The following ELP2 variants were observed in gnomAD, a reference collection of about 807,000 sequenced individuals.
ELP2 encodes the protein elongator acetyltransferase complex subunit 2, also known as elongator complex protein 2.
ELP2 carries 90 observed loss-of-function variants against 119.2 expected under a neutral mutation model. The ratio of observed to expected loss-of-function variants is 0.75; its 90% confidence interval spans 0.64 to 0.90. The LOEUF (loss-of-function observed/expected upper bound fraction) is 0.90. Among genes scored for constraint, ELP2 ranks in the 40% least tolerant of loss-of-function variants. The pLI is 0.00. For synonymous variants in ELP2, 339 were observed against 331.0 expected, an observed-to-expected ratio of 1.02 and a Z score of -0.26; for missense variants, 921 against 967.8, an observed-to-expected ratio of 0.95 and a Z score of 0.64.
chr18:36,147,407 T>TTTTGTTTGTTTGTTTG (rs71166096), intron 11 of ELP2, among the ~76,000 whole-genome samples: 1 of 149,324 alleles, frequency 6.7e-6, no homozygotes, highest in South Asian at 2.1e-4. Flanking sequence ...TACTGACAGT[T>TTTTGTTTGTTTGTTTG]TTTGTTTGTT....
chr18:36,154,261 CATT>C (rs2090494509), intron 11 of ELP2, among the ~76,000 whole-genome samples: 1 of 152,040 alleles, frequency 6.6e-6, no homozygotes, highest in South Asian at 2.1e-4. Context: ...ATTTTGTTGT[CATT>C]ATTTGTTTAT....
Position 36,165,434 on chromosome 18 carries a change from TAC to T in ELP2, c.1954+769_1954+770del, listed in dbSNP as rs2090866519. Among the ~76,000 whole-genome samples, 3 of 152,256 alleles carry T rather than the reference TAC, an allele frequency of 2.0e-5. No homozygotes were observed. The South Asian group carries it at 6.2e-4, about 31-fold the overall frequency. On this transcript the variant is annotated intron_variant, in intron 18 of 21. Transcript: ENST00000358232. ...AATTTTTCCATTGATAAGACTCGCA[TAC>T]AGTTTGGTTTTGTGATATTTCTGGT...
intron 2 of ELP2, among the ~76,000 whole-genome samples, chr18:36,135,925 TA>T (rs2089807513): frequency 1.3e-5 from 2 of 152,250 alleles, no homozygotes; most frequent in South Asian, 4.1e-4. Flanking sequence ...AAAAAAGTTT[TA>T]AAAGGCATTA....
rs765093640 is a variant in ELP2 at position 36,145,011 on chromosome 18, A to T, written c.869A>T (p.His290Leu). Residue 290 changes from histidine to leucine, a missense_variant, in exon 9 of 22, where the codon CAC becomes CTC. His to Leu is a moderately conservative substitution (Grantham distance 99). Coordinates refer to ENST00000358232, the MANE Select transcript of ELP2 (RefSeq NM_018255.4). ...AGHENWVNAV[H>L]WQPVFYKDGV... ...CATGAAAACTGGGTAAATGCAGTTC[A>T]CTGGCAACCTGTGTTTTACAAAGGT... The T allele has an allele frequency of 1.4e-5, 23 of 1,613,836 alleles. 1 individual carries two copies. Among genetic ancestry groups the T allele is most frequent in the African/African-American group, 2.7e-5 (2 of 74,948 alleles).
chr18:36,146,162 G>A, intron 10 of ELP2, 88 bp from the exon 11 acceptor site: 3 of 1,583,548 alleles, frequency 1.9e-6, no homozygotes, highest in Non-Finnish European at 2.6e-6. Context: ...AAAATAGTGG[G>A]AATTTAACAG....
chr18:36,174,613 T>A lies in ELP2; in HGVS notation c.2453T>A (p.Ile818Lys). 1 of 1,614,192 alleles carries A rather than the reference T, an allele frequency of 6.2e-7. No individual in the cohort carries two copies. The highest frequency in any genetic ancestry group is 8.5e-7 in the Non-Finnish European group (1 of 1,180,042). The change falls in exon 22 of 22, where the codon ATA (isoleucine) becomes AAA (lysine). Residue 818 changes from isoleucine (I) to lysine (K), a missense_variant. Physicochemically the swap from Ile to Lys is moderately radical, Grantham distance 102. Transcript: ENST00000358232. ...TGTGGTGAAGATCACACTGTGAAGA[T>A]ACACAGAGTCAATAAATGTGCACTG... The part of the protein sequence containing the change: ...ASCGEDHTVK[I>K]HRVNKCAL
chr18:36,135,758 A>G (rs1331138078), intron 2 of ELP2, among the ~76,000 whole-genome samples: 3 of 152,310 alleles, frequency 2.0e-5, no homozygotes, highest in East Asian at 3.9e-4. Flanking sequence ...TGAGGAAACA[A>G]TCAAACAGAT....
At chr18:36,141,515 A>G in intron 6 of ELP2, 1 of 359,438 alleles carries the variant, frequency 2.8e-6, no homozygotes, top group South Asian at 2.5e-5. Context: ...ACAGTGAAGC[A>G]TTCCTAGTAG....
rs1459658615 is a variant in ELP2, at chr18:36,167,223, G to T, written c.2076+1G>T. ...CTTCACTGGGAGTCGAGACAAAAAGGTAATTATTTAAAAATTTAATATTTT... is the reference window on the plus strand; with the variant it reads ...CTTCACTGGGAGTCGAGACAAAAAGTTAATTATTTAAAAATTTAATATTTT... On this transcript the variant is annotated splice_donor_variant, in intron 19 of 21. Coordinates refer to ENST00000358232, the MANE Select transcript of ELP2 (RefSeq NM_018255.4). LOFTEE classifies it high-confidence loss of function. The T allele has an allele frequency of 1.9e-6, 3 of 1,577,636 alleles. No individual in the cohort carries two copies. The East Asian group carries it at 6.8e-5, about 36-fold the overall frequency.
At position 36,175,020 on chromosome 18, in the gene ELP2, A is replaced by G; in HGVS notation, c.*379A>G. 1 of 274,498 alleles carries G rather than the reference A, an allele frequency of 3.6e-6. No individual in the cohort carries two copies. Among genetic ancestry groups the G allele is most frequent in the South Asian group, 4.0e-5 (1 of 24,872 alleles). The allele number at this position is 274,498 out of a possible 1,614,324, so 17.0% of individuals were successfully genotyped here. A position where few individuals can be genotyped will look rare whatever the true frequency, so the allele number is the denominator to read the frequency against. Reference sequence around the variant, plus strand: ...AGTTTCATTTTTTAAGTCACATAGCAGTAGTCCTTATTTCAGTGCTAGACC... The same window carrying G: ...AGTTTCATTTTTTAAGTCACATAGCGGTAGTCCTTATTTCAGTGCTAGACC... On this transcript the variant is annotated 3_prime_UTR_variant, in exon 22 of 22. Transcript: ENST00000358232.
At position 36,171,050 on chromosome 18, in the gene ELP2, C is replaced by G. The variant is rs79245337; in HGVS notation, c.2214C>G (p.Tyr738Ter). ...VCPVLHPSQRYVVAVGLECGK... is the reference protein window; with the variant it reads ...VCPVLHPSQR ...TGTCCCCCTCCCTTAAAAACAGATA[C>G]GTGGTTGCAGTAGGATTGGAGTGTG... Residue 738 changes from tyrosine to a stop codon, truncating the protein, a stop_gained, in exon 21 of 22, where the codon TAC becomes TAG. Coordinates refer to ENST00000358232, the MANE Select transcript of ELP2 (RefSeq NM_018255.4). LOFTEE classifies it high-confidence loss of function. The G allele has an allele frequency of 6.2e-7, 1 of 1,605,686 alleles. No homozygotes were observed. Among genetic ancestry groups the G allele is most frequent in the Non-Finnish European group, 8.5e-7 (1 of 1,172,336 alleles).
At chr18:36,134,988 C>G (rs1339034769) in intron 2 of ELP2, among the ~76,000 whole-genome samples, 1 of 152,124 alleles carries the variant, frequency 6.6e-6, no homozygotes, top group Non-Finnish European at 1.5e-5. Flanking sequence ...TAATAAGCTA[C>G]TTATTTGCTT....
At chr18:36,146,208 A>G (rs1031972864) in intron 10 of ELP2, 42 bp from the exon 11 acceptor site, 1 of 1,613,002 alleles carries the variant, frequency 6.2e-7, no homozygotes, top group Non-Finnish European at 8.5e-7. Flanking sequence ...TGAGAAACAT[A>G]GACTATTGAT....
intron 1 of ELP2, among the ~76,000 whole-genome samples, chr18:36,133,030 T>C (rs1181399613): frequency 6.6e-6 from 1 of 152,052 alleles, no homozygotes; most frequent in Non-Finnish European, 1.5e-5. Flanking sequence ...ATGCTGGGAA[T>C]GTGGAGTCTC....
Position 36,158,906 on chromosome 18 carries a change from T to G in ELP2, c.1534+2T>G. The G allele has an allele frequency of 6.2e-7, 1 of 1,607,182 alleles. No homozygotes were observed. The highest frequency in any genetic ancestry group is 1.1e-5 in the South Asian group (1 of 90,964). Reference sequence around the variant, plus strand: ...TATCAAATAAAGCTGTCTTTCAGGGTAAGGCTTTTGTCTTCAAAATTATTA... The same window carrying G: ...TATCAAATAAAGCTGTCTTTCAGGGGAAGGCTTTTGTCTTCAAAATTATTA... On this transcript the variant is annotated splice_donor_variant, in intron 14 of 21. Coordinates refer to ENST00000358232, the MANE Select transcript of ELP2 (RefSeq NM_018255.4). LOFTEE classifies it high-confidence loss of function.
At chr18:36,142,660 A>G (rs556732981) in intron 7 of ELP2, among the ~76,000 whole-genome samples, 166 bp from the exon 8 acceptor site, 1 of 152,176 alleles carries the variant, frequency 6.6e-6, no homozygotes, top group Non-Finnish European at 1.5e-5. Context: ...ATATTTGTCA[A>G]TGTTATTAAA....
At chr18:36,133,007 A>G (rs117031563) in intron 1 of ELP2, among the ~76,000 whole-genome samples, 2 of 152,238 alleles carry the variant, frequency 1.3e-5, no homozygotes, top group East Asian at 1.9e-4. Context: ...GCTCAGTGTA[A>G]TGGGAGGACA....
intron 18 of ELP2, 123 bp downstream of exon 18, chr18:36,164,790 C>G (rs1029261357): frequency 4.3e-6 from 4 of 938,778 alleles, no homozygotes; most frequent in Non-Finnish European, 6.6e-6. Context: ...GTCTTTGAAG[C>G]CTTTCAAAGT....
chr18:36,131,930 CTTTTTTT>C (rs5823996), intron 1 of ELP2, among the ~76,000 whole-genome samples: 5 of 79,870 alleles, frequency 6.3e-5, no homozygotes, highest in Non-Finnish European at 9.0e-5. Flanking sequence ...GCTGGTCGGG[CTTTTTTT>C]TTTTTTTTTT....
Sources: gnomAD v4.1 joint callset for allele counts (sites outside exome capture counted in the v4.1 genomes callset) on GRCh38, gnomAD v4.1.1 for gene constraint, MANE v1.5 for transcripts, NCBI Gene and HGNC (gene_info 2026-07-23, HGNC 2026-07-21) for gene names.